SLC12A8: variants seen among roughly 807,000 people sequenced by gnomAD.
SLC12A8 encodes cation-chloride cotransporter 9.
A neutral mutation model predicts 75.6 loss-of-function variants in SLC12A8; 69 were observed. The ratio of observed to expected loss-of-function variants is 0.91; its 90% confidence interval spans 0.75 to 1.11. The LOEUF is 1.11. Ranked by LOEUF, SLC12A8 falls within the 50% of genes most tolerant of loss-of-function variation. SLC12A8 has a pLI of 0.00. For missense variants in SLC12A8, 877 were observed against 896.7 expected (o/e 0.98, Z 0.28); for synonymous variants, 365 against 372.8 (o/e 0.98, Z 0.24).
intron 10 of SLC12A8, among the ~76,000 whole-genome samples, chr3:125,099,943 G>A (rs1463499941): frequency 6.6e-6 from 1 of 152,018 alleles, no homozygotes; most frequent in Non-Finnish European, 1.5e-5. Context: ...AAGAGAGAGA[G>A]AGAAATATAA....
intron 13 of SLC12A8, among the ~76,000 whole-genome samples, chr3:125,085,921 T>C (rs527484608): frequency 6.6e-6 from 1 of 152,086 alleles, no homozygotes; most frequent in African/African-American, 2.4e-5. Context: ...CTTTTTTTTT[T>C]TGAGACAAGG....
intron 10 of SLC12A8, among the ~76,000 whole-genome samples, chr3:125,102,882 C>A (rs1459309306): frequency 6.6e-6 from 1 of 152,122 alleles, no homozygotes; most frequent in Non-Finnish European, 1.5e-5. Flanking sequence ...CCTAGGGCCC[C>A]CAGAGAGGGT....
intron 6 of SLC12A8, among the ~76,000 whole-genome samples, chr3:125,130,682 G>A (rs562637264): frequency 6.6e-6 from 1 of 152,176 alleles, no homozygotes; most frequent in Non-Finnish European, 1.5e-5. Flanking sequence ...TCACATGTGA[G>A]TCCAGCTCAT....
chr3:125,108,644 C>T (rs1225185261), intron 9 of SLC12A8, among the ~76,000 whole-genome samples: 4 of 152,256 alleles, frequency 2.6e-5, no homozygotes, highest in Admixed American at 6.5e-5. Flanking sequence ...GTTAGGATTA[C>T]AGGCATGAGC....
chr3:125,141,760 A>G (rs1005176119), intron 5 of SLC12A8, among the ~76,000 whole-genome samples: 1 of 152,078 alleles, frequency 6.6e-6, no homozygotes, highest in Non-Finnish European at 1.5e-5. Flanking sequence ...CCACCCCTGG[A>G]CCAGCGACCG....
At chr3:125,162,627 G>A (rs900686350) in intron 5 of SLC12A8, among the ~76,000 whole-genome samples, 4 of 152,182 alleles carry the variant, frequency 2.6e-5, no homozygotes, top group African/African-American at 7.2e-5. Flanking sequence ...AGTGGCAGGC[G>A]GGACATGGTA....
chr3:125,206,141 G>A (rs983439097), intron 2 of SLC12A8, among the ~76,000 whole-genome samples: 1 of 152,146 alleles, frequency 6.6e-6, no homozygotes, highest in Admixed American at 6.5e-5. Context: ...TGCTAAAACA[G>A]CCCTGAAAAA....
chr3:125,125,341 T>C (rs2107754186), intron 6 of SLC12A8, among the ~76,000 whole-genome samples: 1 of 152,254 alleles, frequency 6.6e-6, no homozygotes, highest in East Asian at 1.9e-4. Flanking sequence ...GTGGATCACC[T>C]GAGGTCAGGA....
intron 5 of SLC12A8, among the ~76,000 whole-genome samples, chr3:125,168,327 G>T (rs1417578208): frequency 3.9e-5 from 6 of 152,208 alleles, no homozygotes; most frequent in African/African-American, 1.2e-4. Context: ...AGTGGGGGAA[G>T]AAAAGGCTAA....
chr3:125,175,399 G>A (rs1934497631), intron 5 of SLC12A8, among the ~76,000 whole-genome samples: 2 of 152,150 alleles, frequency 1.3e-5, no homozygotes, highest in South Asian at 2.1e-4. Flanking sequence ...AGATTCTTGA[G>A]GAGCCAGTTG....
chr3:125,207,028 A>G (rs1411394896), intron 2 of SLC12A8, among the ~76,000 whole-genome samples: 1 of 152,206 alleles, frequency 6.6e-6, no homozygotes. Context: ...GATACAAACC[A>G]TGAGAGAGCA....
chr3:125,185,925 C>G (rs892591904), intron 4 of SLC12A8, among the ~76,000 whole-genome samples: 1 of 152,240 alleles, frequency 6.6e-6, no homozygotes. Flanking sequence ...CAGGCCGTGG[C>G]TGCCAGCACT....
chr3:125,188,199 G>A (rs1179431152), intron 3 of SLC12A8, among the ~76,000 whole-genome samples: 1 of 152,154 alleles, frequency 6.6e-6, no homozygotes, highest in African/African-American at 2.4e-5. Context: ...TTGTTTAAAA[G>A]AGCCTGGCAT....
At chr3:125,196,572 T>G (rs1319640424) in intron 2 of SLC12A8, among the ~76,000 whole-genome samples, 1 of 152,226 alleles carries the variant, frequency 6.6e-6, no homozygotes, top group East Asian at 1.9e-4. Flanking sequence ...GTTTTTAATA[T>G]ATAGAGACCT....
intron 6 of SLC12A8, among the ~76,000 whole-genome samples, chr3:125,122,526 A>T (rs1194326608): frequency 1.3e-5 from 2 of 152,230 alleles, no homozygotes; most frequent in East Asian, 3.8e-4. Flanking sequence ...AATGTCTGGA[A>T]CATAGAACAT....
chr3:125,099,450 G>A (rs752409612), intron 10 of SLC12A8, among the ~76,000 whole-genome samples: 3 of 152,102 alleles, frequency 2.0e-5, no homozygotes, highest in Non-Finnish European at 4.4e-5. Context: ...CCATGCTCAG[G>A]AAAGAAAAAC....
chr3:125,208,188 C>T (rs1935261820), intron 2 of SLC12A8, among the ~76,000 whole-genome samples: 1 of 152,192 alleles, frequency 6.6e-6, no homozygotes, highest in Non-Finnish European at 1.5e-5. Context: ...TCCAAACACA[C>T]ACTCACATTC....
At chr3:125,141,933 T>G (rs1933650714) in intron 5 of SLC12A8, among the ~76,000 whole-genome samples, 1 of 151,528 alleles carries the variant, frequency 6.6e-6, no homozygotes, top group South Asian at 2.1e-4. Flanking sequence ...AGAGGCCGCT[T>G]CTGGGAAGGG....
chr3:125,176,077 TTTTCTAA>T (rs1934520927), intron 5 of SLC12A8, among the ~76,000 whole-genome samples: 3 of 94,848 alleles, frequency 3.2e-5, no homozygotes, highest in Non-Finnish European at 8.3e-5. Flanking sequence ...CAACCAACAT[TTTTCTAA>T]AAGGCAGGAC....
Sources: allele counts gnomAD v4.1 joint callset (sites outside exome capture counted in the v4.1 genomes callset), GRCh38; gene constraint gnomAD v4.1.1; transcripts MANE v1.5; gene names NCBI Gene and HGNC (gene_info 2026-07-23, HGNC 2026-07-21).